ISM2: variants seen among roughly 807,000 people sequenced by gnomAD.
The protein encoded by ISM2 is isthmin 2.
A neutral mutation model predicts 58.0 loss-of-function variants in ISM2; 50 were observed. The observed-to-expected ratio is 0.86, with a 90% CI of 0.69 to 1.09. The LOEUF is 1.09. Ranked by LOEUF, ISM2 falls within the 50% of genes least tolerant of loss-of-function variation. The pLI, the probability that ISM2 is intolerant of heterozygous loss-of-function variation, is 0.00. For synonymous variants in ISM2, 303 were observed against 312.4 expected, an observed-to-expected ratio of 0.97 and a Z score of 0.32; for missense variants, 723 against 745.0, an observed-to-expected ratio of 0.97 and a Z score of 0.34.
intron 1 of ISM2, among the ~76,000 whole-genome samples, chr14:77,485,833 C>G (rs2079164345): frequency 6.6e-6 from 1 of 152,232 alleles, no homozygotes. Context: ...GTATGGCTGA[C>G]AAACACTGGT....
chr14:77,478,831 C>G, intron 4 of ISM2, 116 bp from the exon 5 acceptor site: 1 of 1,066,756 alleles, frequency 9.4e-7, no homozygotes, highest in Non-Finnish European at 1.4e-6. Context: ...GGGCTTCCAG[C>G]CTCATGAATG....
intron 6 of ISM2, 147 bp from the exon 7 acceptor site, chr14:77,476,259 G>T: frequency 1.2e-6 from 1 of 804,014 alleles, no homozygotes; most frequent in Non-Finnish European, 1.9e-6. Flanking sequence ...CCTTGGGGAT[G>T]GAGAGAGGCT....
chr14:77,475,674 G>A lies in ISM2; in HGVS notation c.1637C>T (p.Pro546Leu). ...DWSRLHAVLP[P>L]NNGRACTDNP... Reference sequence around the variant, plus strand: ...GTCGGTGCAGGCTCGGCCGTTGTTGGGAGGGAGCACAGCGTGGAGGCGGCT... The same window carrying A: ...GTCGGTGCAGGCTCGGCCGTTGTTGAGAGGGAGCACAGCGTGGAGGCGGCT... The change falls in exon 7 of 7, where the codon CCC becomes CTC. Residue 546 changes from proline (P) to leucine (L), a missense_variant. Transcript: ENST00000342219. The surrounding 1 kb of genome is among the most constrained non-coding windows in gnomAD (Gnocchi z 4.1). 2 of 1,613,900 alleles carry A rather than the reference G, an allele frequency of 1.2e-6. No homozygotes were observed. Among genetic ancestry groups the A allele is most frequent in the East Asian group, 2.2e-5 (1 of 44,874 alleles).
In ISM2 at chr14:77,498,713, G is replaced by A. The variant is rs2079265101; in HGVS notation, c.81C>T (p.Leu27=). 2 of 1,485,188 alleles carry A rather than the reference G, an allele frequency of 1.3e-6. No homozygotes were observed. Among genetic ancestry groups the A allele is most frequent in the Non-Finnish European group, 1.8e-6 (2 of 1,126,022 alleles). The allele number at this position is 1,485,188 out of a possible 1,614,324, so 92.0% of individuals were successfully genotyped here. A position where few individuals can be genotyped will look rare whatever the true frequency, so the allele number is the denominator to read the frequency against. Residue 27 remains leucine, a synonymous_variant, in exon 1 of 7, where the codon CTC becomes CTT. Transcript: ENST00000342219. Reference sequence around the variant, plus strand: ...CGCGGAGCCGCGGCTTCTTCACGGGGAGCCCTAGCGCCGCCTCCAGCAGCG... The same window carrying A: ...CGCGGAGCCGCGGCTTCTTCACGGGAAGCCCTAGCGCCGCCTCCAGCAGCG... The part of the protein sequence containing the change: ...LAALLEAALG[L]PVKKPRLRGP...
intron 1 of ISM2, among the ~76,000 whole-genome samples, chr14:77,491,348 C>T (rs182858180): frequency 2.0e-4 from 31 of 152,370 alleles, no homozygotes; most frequent in Admixed American, 7.2e-4. Context: ...ACAGTCTTTG[C>T]AGACTGGAAG....
At chr14:77,480,654 C>T (rs1019737169) in intron 4 of ISM2, among the ~76,000 whole-genome samples, 1 of 145,856 alleles carries the variant, frequency 6.9e-6, no homozygotes, top group Non-Finnish European at 1.5e-5. Flanking sequence ...ACCTCCCAGG[C>T]TCAAGTGATC....
At chr14:77,486,922 A>G (rs1431567362) in intron 1 of ISM2, among the ~76,000 whole-genome samples, 1 of 151,354 alleles carries the variant, frequency 6.6e-6, no homozygotes, top group Non-Finnish European at 1.5e-5. Flanking sequence ...CATCCAACCC[A>G]CATGTGAATA....
intron 1 of ISM2, among the ~76,000 whole-genome samples, chr14:77,497,813 A>C (rs2079257063): frequency 1.3e-5 from 2 of 148,862 alleles, no homozygotes; most frequent in Non-Finnish European, 3.0e-5. Context: ...GAAGGAAGGA[A>C]GGAAGGAAGG....
At position 77,475,482 on chromosome 14, in the gene ISM2, G is replaced by A; in HGVS notation, c.*113C>T. 1 of 1,177,476 alleles carries A rather than the reference G, an allele frequency of 8.5e-7. No individual in the cohort carries two copies. The highest frequency in any genetic ancestry group is 1.5e-5 in the South Asian group (1 of 64,942). 72.9% of individuals were successfully genotyped at this position (1,177,476 alleles called of 1,614,324 possible). A position where few individuals can be genotyped will look rare whatever the true frequency, so the allele number is the denominator to read the frequency against. ...CACACAGCCTCGGACCAACCTCACT[G>A]GGGGAGCCCTTTCCTCACCCTGTCT... On this transcript the variant is annotated 3_prime_UTR_variant, in exon 7 of 7. Coordinates refer to ENST00000342219, the MANE Select transcript of ISM2 (RefSeq NM_199296.3). This position sits in a 1 kb window ranked among gnomAD's most constrained non-coding sequence, Gnocchi z 4.1.
At chr14:77,492,995 C>CA (rs1175179299) in intron 1 of ISM2, among the ~76,000 whole-genome samples, 2 of 149,172 alleles carry the variant, frequency 1.3e-5, no homozygotes, top group African/African-American at 4.9e-5. Flanking sequence ...AACTTCATCT[C>CA]AAAAAAAGAA....
rs2079157729 is a variant in ISM2, at chr14:77,484,834, T to C, written c.227A>G (p.His76Arg). The C allele has an allele frequency of 1.2e-6, 2 of 1,609,490 alleles. No individual in the cohort carries two copies. Among genetic ancestry groups the C allele is most frequent in the Non-Finnish European group, 1.7e-6 (2 of 1,178,120 alleles). The stretch of plus-strand genomic sequence containing the variant: ...AGTGACAGTCCAGCATCCATGTTGG[T>C]GTGGCTCTGCCTGCAGGTGGGTTCT... The part of the protein sequence containing the change: ...LPRTHLQAEP[H>R]QHGCWTVTEP... The change falls in exon 2 of 7, where the codon CAC becomes CGC. Residue 76 changes from histidine (H) to arginine (R), a missense_variant. By Grantham distance (29) the His-to-Arg change is conservative. Coordinates refer to ENST00000342219, the MANE Select transcript of ISM2 (RefSeq NM_199296.3).
Position 77,498,720 on chromosome 14 carries a change from A to G in ISM2, c.74T>C (p.Leu25Pro). 6.7e-7 allele frequency: 1 copy of G among 1,483,988 alleles called. No homozygotes were observed. Among genetic ancestry groups the G allele is most frequent in the Non-Finnish European group, 8.9e-7 (1 of 1,125,612 alleles). 91.9% of individuals were successfully genotyped at this position (1,483,988 alleles called of 1,614,324 possible). ...LLLAALLEAA[L>P]GLPVKKPRLR... ...CCGCGGCTTCTTCACGGGGAGCCCT[A>G]GCGCCGCCTCCAGCAGCGCCGCCAG... Residue 25 changes from leucine (L) to proline (P), a missense_variant, in exon 1 of 7, where the codon CTA (leucine) becomes CCA (proline). By Grantham distance (98) the Leu-to-Pro change is moderately conservative. Transcript: ENST00000342219.
At chr14:77,491,791 G>A (rs1266975899) in intron 1 of ISM2, among the ~76,000 whole-genome samples, 4 of 150,256 alleles carry the variant, frequency 2.7e-5, no homozygotes, top group Non-Finnish European at 3.0e-5. Context: ...CACCTCCTGG[G>A]TTCAAGCGAT....
intron 1 of ISM2, among the ~76,000 whole-genome samples, chr14:77,497,231 G>A (rs184876340): frequency 5.0e-4 from 76 of 152,064 alleles, no homozygotes; most frequent in Non-Finnish European, 8.1e-4. Flanking sequence ...AGCCAGGCGC[G>A]GTGGCAGGCG....
chr14:77,477,928 TA>T (rs904759822), intron 6 of ISM2, among the ~76,000 whole-genome samples: 21 of 151,980 alleles, frequency 1.4e-4, no homozygotes, highest in African/African-American at 4.8e-4. Context: ...CTCCCAAGAG[TA>T]ACCAAGGAAT....
Position 77,475,934 on chromosome 14 carries a change from A to G in ISM2, c.1377T>C (p.Ser459=). 6.3e-7 allele frequency: 1 copy of G among 1,599,678 alleles called. No homozygotes were observed. The highest frequency in any genetic ancestry group is 8.5e-7 in the Non-Finnish European group (1 of 1,179,748). The change falls in exon 7 of 7, where the codon AGT becomes AGC. Residue 459 remains serine, a synonymous_variant. Coordinates refer to ENST00000342219, the MANE Select transcript of ISM2 (RefSeq NM_199296.3). This position sits in a 1 kb window ranked among gnomAD's most constrained non-coding sequence, Gnocchi z 4.1. ...AGATGTCCAGGCGCTCGCGAGGGCC[A>G]CTGGCATCCCTCCACCGGAAGCTGC... ...QGRSFRWRDA[S]GPRERLDIYQ... is the part of the protein sequence containing the mutation.
At chr14:77,476,787 C>T (rs1295294572) in intron 6 of ISM2, among the ~76,000 whole-genome samples, 1 of 152,188 alleles carries the variant, frequency 6.6e-6, no homozygotes, top group Admixed American at 6.5e-5. Context: ...CGATGGCTCA[C>T]GCCTGTAATC....
chr14:77,476,131 T>C lies in ISM2; in HGVS notation c.1199-19A>G. 1.3e-6 allele frequency: 2 copies of C among 1,504,922 alleles called. No individual in the cohort carries two copies. Among genetic ancestry groups the C allele is most frequent in the Non-Finnish European group, 1.8e-6 (2 of 1,132,522 alleles). 93.2% of individuals were successfully genotyped at this position (1,504,922 alleles called of 1,614,324 possible). A position where few individuals can be genotyped will look rare whatever the true frequency, so the allele number is the denominator to read the frequency against. ...TCCACATCTGCAAAGGGCCACAAAG[T>C]GCAGGAGGGAAGCCAGTGACAGAGC... On this transcript the variant is annotated intron_variant, in intron 6 of 6. Transcript: ENST00000342219.
rs150114096 is a variant in ISM2, at chr14:77,475,736, G to A, written c.1575C>T (p.Phe525=). ...TGCACAGGATCCAGGGCGTCGTGTC[G>A]AACTTGAAGTGCAGCTTAGGTGAGA... The part of the protein sequence containing the change: ...TDFSPKLHFK[F]DTTPWILCKG... The change falls in exon 7 of 7, where the codon TTC becomes TTT. Residue 525 remains phenylalanine (F), a synonymous_variant. Transcript: ENST00000342219. The surrounding 1 kb of genome is among the most constrained non-coding windows in gnomAD (Gnocchi z 4.1). The A allele has an allele frequency of 5.9e-4, 948 of 1,614,036 alleles. 18 individuals carry two copies. In the East Asian group the frequency reaches 0.02, roughly 34 times the overall value.
Sources: gnomAD v4.1 joint callset for allele counts (sites outside exome capture counted in the v4.1 genomes callset) on GRCh38, gnomAD v4.1.1 for gene constraint, Gnocchi (gnomAD v3.1) non-coding constraint, MANE v1.5 for transcripts, NCBI Gene and HGNC (gene_info 2026-07-23, HGNC 2026-07-21) for gene names.